The following NAV2 variants were observed in gnomAD, a reference collection of about 807,000 sequenced individuals.
The protein encoded by NAV2 is helicase, APC down-regulated 1.
In NAV2, 54 loss-of-function variants were observed where a neutral mutation model predicts 223.2. The ratio of observed to expected loss-of-function variants is 0.24; its 90% CI spans 0.19 to 0.30. The LOEUF (loss-of-function observed/expected upper bound fraction) is 0.30. Ranked by LOEUF, NAV2 falls within the 10% of genes least tolerant of loss-of-function variation. The probability of loss-of-function intolerance (pLI) is 1.00; values close to 1 mark genes in which losing one functional copy is unlikely to be tolerated. For missense variants in NAV2, 2,806 were observed against 3,147.5 expected (o/e 0.89, Z 2.60); for synonymous variants, 1,279 against 1,239.3 (o/e 1.03, Z -0.67).
rs563345465 is a variant in NAV2 at position 19,513,667 on chromosome 11, A to G, written c.75+162640A>G. Among the ~76,000 whole-genome samples the G allele has an allele frequency of 3.9e-5, 6 of 152,332 alleles. No individual in the cohort carries two copies. The South Asian group carries it at 1.0e-3, about 26-fold the overall frequency. Reference sequence around the variant, plus strand: ...GTTGACTTGGATCCTCCAAAAACCTATGTTGAAGTCCTAACCCCTAATTCC... The same window carrying G: ...GTTGACTTGGATCCTCCAAAAACCTGTGTTGAAGTCCTAACCCCTAATTCC... On this transcript the variant is annotated intron_variant, in intron 1 of 37. Coordinates refer to the NAV2 transcript ENST00000360655.
chr11:19,594,336 G>A (rs2046144277), intron 1 of NAV2, among the ~76,000 whole-genome samples: 1 of 152,006 alleles, frequency 6.6e-6, no homozygotes, highest in Non-Finnish European at 1.5e-5. Flanking sequence ...GTTTCACTAA[G>A]TCTTTGAAAA....
intron 1 of NAV2, among the ~76,000 whole-genome samples, chr11:19,432,611 G>A (rs1851075535): frequency 6.6e-6 from 1 of 152,184 alleles, no homozygotes; most frequent in Non-Finnish European, 1.5e-5. Flanking sequence ...ATGGAGCATG[G>A]AGAGCGAGGC....
At chr11:20,065,698 G>C (rs748899613) in intron 20 of NAV2, among the ~76,000 whole-genome samples, 3 of 152,244 alleles carry the variant, frequency 2.0e-5, no homozygotes, top group Non-Finnish European at 2.9e-5. Context: ...GGTGGGCACA[G>C]TGACAGACAG....
intron 1 of NAV2, among the ~76,000 whole-genome samples, chr11:19,552,181 C>T (rs371454167): frequency 6.6e-6 from 1 of 151,894 alleles, no homozygotes; most frequent in Non-Finnish European, 1.5e-5. Context: ...CAGGGAGGGG[C>T]GGGGGAAAGG....
intron 1 of NAV2, among the ~76,000 whole-genome samples, chr11:19,632,900 A>T (rs1194925473): frequency 6.6e-6 from 1 of 152,200 alleles, no homozygotes. Flanking sequence ...CTTTAAGAAG[A>T]TGTTATTAGT....
chr11:20,000,021 G>A (rs2052385928), intron 11 of NAV2, among the ~76,000 whole-genome samples: 1 of 152,170 alleles, frequency 6.6e-6, no homozygotes, highest in South Asian at 2.1e-4. Flanking sequence ...ATGGTGCAGT[G>A]TCCCCTTCTC....
chr11:20,028,312 G>T (rs1318053104), intron 11 of NAV2, among the ~76,000 whole-genome samples: 1 of 152,066 alleles, frequency 6.6e-6, no homozygotes, highest in East Asian at 1.9e-4. Flanking sequence ...ACTGAAACTG[G>T]ATCTCCTGGT....
intron 1 of NAV2, among the ~76,000 whole-genome samples, chr11:19,733,794 C>T (rs1243852167): frequency 6.6e-6 from 1 of 152,088 alleles, no homozygotes; most frequent in African/African-American, 2.4e-5. Flanking sequence ...GGAGGCCTAC[C>T]TGGAGACTGT....
At chr11:19,467,661 T>C (rs993238126) in intron 1 of NAV2, among the ~76,000 whole-genome samples, 2 of 152,184 alleles carry the variant, frequency 1.3e-5, no homozygotes, top group Non-Finnish European at 2.9e-5. Flanking sequence ...TCTGTGGACC[T>C]CTCAGATCTG....
chr11:19,908,170 TC>T (rs768034750), intron 6 of NAV2, among the ~76,000 whole-genome samples: 8 of 152,190 alleles, frequency 5.3e-5, no homozygotes, highest in Non-Finnish European at 7.3e-5. Flanking sequence ...GCTTCAGAAA[TC>T]ATCAAACGGC....
rs1332430868 is a variant in NAV2 at position 19,736,224 on chromosome 11, A to T, written c.267+22262A>T. On this transcript the variant is annotated intron_variant, in intron 1 of 37. Coordinates refer to ENST00000349880, the MANE Select transcript of NAV2 (RefSeq NM_145117.5). ...TGAAGCATGTTTTTACAAACAAAAA[A>T]ATACTGAAAGTAGTATGTGAGGCTG... is the stretch of plus-strand genomic sequence containing the variant. 3.3e-5 allele frequency among the ~76,000 whole-genome samples: 5 copies of T among 152,226 alleles called. No individual in the cohort carries two copies. The East Asian group carries it at 9.6e-4, about 29-fold the overall frequency.
chr11:19,699,553 T>C (rs192024085), intron 1 of NAV2, among the ~76,000 whole-genome samples: 8 of 152,314 alleles, frequency 5.3e-5, no homozygotes, highest in Non-Finnish European at 1.2e-4. Flanking sequence ...TTGGAGATGA[T>C]TGCCTTGGGC....
intron 6 of NAV2, among the ~76,000 whole-genome samples, chr11:19,896,367 C>G (rs1004460186): frequency 6.6e-6 from 1 of 152,136 alleles, no homozygotes; most frequent in Non-Finnish European, 1.5e-5. Context: ...CTATTCTACT[C>G]TCTGTTTTTA....
intron 17 of NAV2, among the ~76,000 whole-genome samples, chr11:20,051,971 C>A (rs1421687601): frequency 6.6e-6 from 1 of 152,150 alleles, no homozygotes; most frequent in African/African-American, 2.4e-5. Context: ...GTTTTTGGTG[C>A]TAGTCCTGGC....
chr11:19,499,871 G>A (rs1477708348), intron 1 of NAV2, among the ~76,000 whole-genome samples: 2 of 152,114 alleles, frequency 1.3e-5, no homozygotes, highest in South Asian at 2.1e-4. Flanking sequence ...CCTTAGATGA[G>A]TTCTAGCATA....
intron 1 of NAV2, among the ~76,000 whole-genome samples, chr11:19,524,047 A>G (rs1051194091): frequency 1.3e-5 from 2 of 152,006 alleles, no homozygotes; most frequent in African/African-American, 4.8e-5. Context: ...ACAGCCTCTG[A>G]CTTCTCTCTT....
intron 1 of NAV2, among the ~76,000 whole-genome samples, chr11:19,438,393 G>A (rs911990743): frequency 1.3e-5 from 2 of 152,188 alleles, no homozygotes; most frequent in African/African-American, 2.4e-5. Flanking sequence ...CTCAAATCTT[G>A]TCTTTAGCCC....
At chr11:19,812,747 A>G (rs1170859820) in intron 1 of NAV2, among the ~76,000 whole-genome samples, 1 of 152,100 alleles carries the variant, frequency 6.6e-6, no homozygotes, top group Non-Finnish European at 1.5e-5. Flanking sequence ...CTTCAAGGTT[A>G]CAGGCTGTGG....
Position 19,653,423 on chromosome 11 carries a change from G to A in NAV2, c.76-179061G>A, listed in dbSNP as rs114079541. 2.4e-3 allele frequency among the ~76,000 whole-genome samples: 371 copies of A among 152,288 alleles called. 2 individuals carry two copies. Among genetic ancestry groups the A allele is most frequent in the African/African-American group, 8.5e-3 (352 of 41,562 alleles). On this transcript the variant is annotated intron_variant, in intron 1 of 37. Coordinates refer to the NAV2 transcript ENST00000360655. ...AACATTTATTAAACCTCTTCTAAGC[G>A]CCAGGCATTTTACATTTGTGAGCTC...
Sources: allele counts gnomAD v4.1 joint callset (sites outside exome capture counted in the v4.1 genomes callset), GRCh38; gene constraint gnomAD v4.1.1; transcripts MANE v1.5; gene names NCBI Gene and HGNC (gene_info 2026-07-23, HGNC 2026-07-21).